SFMBT2: variants seen among roughly 807,000 people sequenced by gnomAD.
The protein encoded by SFMBT2 is Scm like with four mbt domains 2.
Under a neutral mutation model 110.1 loss-of-function variants are expected in SFMBT2, and 38 were observed. The ratio of observed to expected loss-of-function variants is 0.35; its 90% confidence interval spans 0.27 to 0.45. SFMBT2 has a LOEUF of 0.45. SFMBT2 is among the 20% of genes least tolerant of loss of function. The pLI, the probability that SFMBT2 is intolerant of heterozygous loss-of-function variation, is 1.00. For synonymous variants in SFMBT2, 425 were observed against 425.4 expected (o/e 1.00, Z 0.01); for missense variants, 1,011 against 1,094.9 (o/e 0.92, Z 1.08).
chr10:7,221,899 A>C (rs2131654925), intron 10 of SFMBT2, among the ~76,000 whole-genome samples: 1 of 152,240 alleles, frequency 6.6e-6, no homozygotes, highest in South Asian at 2.1e-4. Flanking sequence ...CCCCCAAAAT[A>C]CCCTTGCATT....
At chr10:7,315,293 T>C (rs768656295) in intron 4 of SFMBT2, among the ~76,000 whole-genome samples, 1 of 152,134 alleles carries the variant, frequency 6.6e-6, no homozygotes, top group Non-Finnish European at 1.5e-5. Context: ...GCAGATTGAG[T>C]AGAGCAGATG....
At chr10:7,241,878 CT>C (rs529522629) in intron 9 of SFMBT2, among the ~76,000 whole-genome samples, 71 of 152,222 alleles carry the variant, frequency 4.7e-4, no homozygotes, top group African/African-American at 1.5e-3. Flanking sequence ...AATACTTTTC[CT>C]TTTTTTCACT....
chr10:7,171,627 C>T lies in SFMBT2; in HGVS notation c.2415+268G>A, dbSNP rs1021890142. 3.2e-6 allele frequency: 3 copies of T among 950,440 alleles called. No individual in the cohort carries two copies. In the African/African-American group the frequency reaches 5.3e-5, roughly 17 times the overall value. The allele number at this position is 950,440 out of a possible 1,614,324, so 58.9% of individuals were successfully genotyped here. On this transcript the variant is annotated intron_variant, in intron 19 of 20. Transcript: ENST00000397167. The surrounding 1 kb of genome is among the most constrained non-coding windows in gnomAD (Gnocchi z 4.9). ...ACTTCAAAGGAAACTGAGGACTGTGCCCTCCTCCTGACAAGAACCCAGGTG... is the reference window on the plus strand; with the variant it reads ...ACTTCAAAGGAAACTGAGGACTGTGTCCTCCTCCTGACAAGAACCCAGGTG...
intron 4 of SFMBT2, among the ~76,000 whole-genome samples, chr10:7,296,921 G>A (rs1029375631): frequency 5.3e-5 from 8 of 152,166 alleles, no homozygotes; most frequent in African/African-American, 1.4e-4. Flanking sequence ...TCACAGCAGC[G>A]GCTCTTCCTG....
chr10:7,307,252 TA>T (rs1354187373), intron 4 of SFMBT2, among the ~76,000 whole-genome samples: 2 of 152,210 alleles, frequency 1.3e-5, no homozygotes, highest in African/African-American at 2.4e-5. Context: ...CTCAGTATTA[TA>T]AAGATGTACA....
chr10:7,171,036 C>G lies in SFMBT2; in HGVS notation c.2436G>C (p.Glu812Asp). ...GGTTGCTCTCCAGAACCAGTCTCTC[C>G]TCCTCCTCCTGTTTCGTGTCCTGCA... ...EGTEDTKQEE[E>D]ERLVLESNPL... The change falls in exon 20 of 21, where the codon GAG becomes GAC. Residue 812 changes from glutamate (E) to aspartate (D), a missense_variant. Glu to Asp is a conservative substitution (Grantham distance 45). Transcript: ENST00000397167. This position sits in a 1 kb window ranked among gnomAD's most constrained non-coding sequence, Gnocchi z 4.9. The G allele has an allele frequency of 6.2e-7, 1 of 1,614,188 alleles. No individual in the cohort carries two copies. The highest frequency in any genetic ancestry group is 8.5e-7 in the Non-Finnish European group (1 of 1,180,020).
At chr10:7,199,434 A>G (rs917469065) in intron 14 of SFMBT2, among the ~76,000 whole-genome samples, 5 of 152,338 alleles carry the variant, frequency 3.3e-5, no homozygotes, top group African/African-American at 1.2e-4. Flanking sequence ...TGGTAATTTA[A>G]CAGTCTAGGA....
chr10:7,288,864 C>T (rs1017647054), intron 4 of SFMBT2, among the ~76,000 whole-genome samples: 2 of 141,496 alleles, frequency 1.4e-5, no homozygotes, highest in Admixed American at 7.1e-5. Flanking sequence ...CCCCCCCCCC[C>T]ATCTCCACTA....
intron 7 of SFMBT2, among the ~76,000 whole-genome samples, chr10:7,272,131 G>C (rs2131811275): frequency 1.3e-5 from 2 of 152,312 alleles, no homozygotes; most frequent in Middle Eastern, 3.4e-3. Flanking sequence ...GTCCAGGAAG[G>C]ATGTGGCAGC....
chr10:7,391,878 T>C (rs1194261658), intron 1 of SFMBT2, among the ~76,000 whole-genome samples: 1 of 152,202 alleles, frequency 6.6e-6, no homozygotes, highest in Non-Finnish European at 1.5e-5. Context: ...TCATTAAGAT[T>C]CTCTGAAAAC....
chr10:7,338,824 G>T (rs145449496), intron 4 of SFMBT2, among the ~76,000 whole-genome samples: 1 of 152,174 alleles, frequency 6.6e-6, no homozygotes, highest in Non-Finnish European at 1.5e-5. Flanking sequence ...AGTCAGTCCT[G>T]CATGCAGTCT....
chr10:7,381,113 ATAC>A (rs969491894), intron 2 of SFMBT2, among the ~76,000 whole-genome samples: 1 of 148,468 alleles, frequency 6.7e-6, no homozygotes, highest in Non-Finnish European at 1.5e-5. Context: ...ACATACATAC[ATAC>A]ATTTGAATCG....
intron 5 of SFMBT2, 79 bp from the exon 6 acceptor site, chr10:7,284,229 A>C: frequency 1.9e-6 from 3 of 1,549,308 alleles, no homozygotes; most frequent in Non-Finnish European, 2.6e-6. Context: ...GCAGAAGATA[A>C]TATTTTTTCA....
intron 4 of SFMBT2, among the ~76,000 whole-genome samples, chr10:7,289,466 A>G (rs555851649): frequency 6.6e-6 from 1 of 152,342 alleles, no homozygotes; most frequent in South Asian, 2.1e-4. Context: ...CGGCTCTGAC[A>G]TTTACATCTT....
Position 7,172,112 on chromosome 10 carries a change from C to A in SFMBT2, c.2198G>T (p.Ser733Ile), listed in dbSNP as rs1202459440. 1.3e-6 allele frequency: 2 copies of A among 1,591,026 alleles called. No individual in the cohort carries two copies. The highest frequency in any genetic ancestry group is 1.7e-6 in the Non-Finnish European group (2 of 1,167,812). Reference sequence around the variant, plus strand: ...CCGGAGCTCGGAGCCGGTCTCCTCACTGGCGGTGTCATCGTCCATGGCGTC... The same window carrying A: ...CCGGAGCTCGGAGCCGGTCTCCTCAATGGCGGTGTCATCGTCCATGGCGTC... ...DADAMDDDTA[S>I]EETGSELRDD... The change falls in exon 19 of 21, where the codon AGT becomes ATT. Residue 733 changes from serine to isoleucine, a missense_variant. Coordinates refer to ENST00000397167, the MANE Select transcript of SFMBT2 (RefSeq NM_001387889.1). The surrounding 1 kb of genome is among the most constrained non-coding windows in gnomAD (Gnocchi z 4.6).
intron 2 of SFMBT2, among the ~76,000 whole-genome samples, chr10:7,371,920 A>ATTTTTTTTTTTTTTTTTTTTTTTTTTTT (rs762872004): frequency 1.3e-5 from 1 of 77,734 alleles, no homozygotes; most frequent in Non-Finnish European, 2.3e-5. Flanking sequence ...TCCACCTGTA[A>ATTTTTTTTTTTTTTTTTTTTTTTTTTTT]TTTTTTTTTT....
chr10:7,327,489 T>C (rs1447974002), intron 4 of SFMBT2, among the ~76,000 whole-genome samples: 1 of 152,110 alleles, frequency 6.6e-6, no homozygotes, highest in Non-Finnish European at 1.5e-5. Flanking sequence ...AAGGCCAGCC[T>C]GGCCAACATG....
At chr10:7,269,412 G>A (rs563505196) in intron 7 of SFMBT2, among the ~76,000 whole-genome samples, 2 of 152,144 alleles carry the variant, frequency 1.3e-5, no homozygotes, top group Admixed American at 1.3e-4. Context: ...GTGAGCAACC[G>A]CAGCATAATG....
chr10:7,262,627 T>C, intron 7 of SFMBT2, among the ~76,000 whole-genome samples: 1 of 152,244 alleles, frequency 6.6e-6, no homozygotes, highest in East Asian at 1.9e-4. Context: ...TCTTAAATTC[T>C]TAACGTTTAG....
Sources: allele counts gnomAD v4.1 joint callset (sites outside exome capture counted in the v4.1 genomes callset), GRCh38; gene constraint gnomAD v4.1.1; non-coding constraint Gnocchi (gnomAD v3.1); transcripts MANE v1.5; gene names NCBI Gene and HGNC (gene_info 2026-07-23, HGNC 2026-07-21).